Variants in ACTR3C observed in about 807,000 individuals in gnomAD.
The protein encoded by ACTR3C is actin-related protein 3C.
A neutral mutation model predicts 26.3 loss-of-function variants in ACTR3C; 18 were observed. The observed-to-expected ratio is 0.68, with a 90% CI of 0.47 to 1.01. ACTR3C has a LOEUF of 1.01. ACTR3C is among the 50% of genes least tolerant of loss of function. The pLI is 0.00. For missense variants in ACTR3C, 184 were observed against 250.7 expected, an observed-to-expected ratio of 0.73 and a Z score of 1.80; for synonymous variants, 55 against 94.5, an observed-to-expected ratio of 0.58 and a Z score of 2.42.
chr7:150,270,775 T>G (rs1441665811), intron 6 of ACTR3C, among the ~76,000 whole-genome samples: 2 of 151,468 alleles, frequency 1.3e-5, no homozygotes, highest in Non-Finnish European at 2.9e-5. Flanking sequence ...CTGGCCCTGG[T>G]TTCTCTCTTT....
the ACTR3C span, among the ~76,000 whole-genome samples, chr7:150,115,641 G>A: frequency 2.0e-5 from 3 of 152,224 alleles, no homozygotes; most frequent in African/African-American, 7.2e-5. Context: ...TCAGTGGGAG[G>A]CAAAGTAGTC....
the ACTR3C span, among the ~76,000 whole-genome samples, chr7:149,965,922 G>C: frequency 6.6e-6 from 1 of 152,218 alleles, no homozygotes; most frequent in Non-Finnish European, 1.5e-5. Context: ...GTGTGTGCCT[G>C]AGTTCCCTCA....
the ACTR3C span, chr7:150,002,521 G>A: frequency 2.6e-5 from 4 of 152,138 alleles, no homozygotes; most frequent in African/African-American, 7.2e-5. Flanking sequence ...GTGTTGATGG[G>A]AACGTCCCCT....
At chr7:149,968,719 A>G in the ACTR3C span, among the ~76,000 whole-genome samples, 3 of 152,044 alleles carry the variant, frequency 2.0e-5, no homozygotes, top group African/African-American at 4.8e-5. Flanking sequence ...GTACGGTCCA[A>G]TAGCCATAGT....
At chr7:150,106,407 A>G in the ACTR3C span, among the ~76,000 whole-genome samples, 1 of 151,478 alleles carries the variant, frequency 6.6e-6, no homozygotes, top group African/African-American at 2.4e-5. Context: ...AGTTGCTGTT[A>G]CATGGTATGG....
At chr7:150,178,716 C>G in the ACTR3C span, among the ~76,000 whole-genome samples, 633 of 150,846 alleles carry the variant, frequency 4.2e-3, 82 homozygotes, top group African/African-American at 0.015. Flanking sequence ...CTGTGTCACA[C>G]CAGCCAATGT....
At chr7:150,221,722 C>T in the ACTR3C span, among the ~76,000 whole-genome samples, 2 of 152,082 alleles carry the variant, frequency 1.3e-5, no homozygotes, top group Non-Finnish European at 2.9e-5. Flanking sequence ...TGGCCGGGCA[C>T]GGTGGCTCAC....
At chr7:149,920,404 T>C in the ACTR3C span, among the ~76,000 whole-genome samples, 74 of 150,586 alleles carry the variant, frequency 4.9e-4, no homozygotes, top group South Asian at 1.5e-3. Context: ...ACTCTTAGAT[T>C]CACACTATCC....
chr7:150,254,745 G>A (rs528022847), intron 6 of ACTR3C, among the ~76,000 whole-genome samples: 1 of 152,138 alleles, frequency 6.6e-6, no homozygotes, highest in Admixed American at 6.5e-5. Context: ...TCTGCCATCT[G>A]CTCTCCTACA....
chr7:150,052,493 G>A, the ACTR3C span, among the ~76,000 whole-genome samples: 2 of 133,876 alleles, frequency 1.5e-5, no homozygotes, highest in African/African-American at 2.7e-5. Flanking sequence ...ATCATTTGTT[G>A]TAACCCAATA....
At chr7:150,170,353 C>T in the ACTR3C span, among the ~76,000 whole-genome samples, 65 of 150,998 alleles carry the variant, frequency 4.3e-4, 2 homozygotes, top group African/African-American at 1.5e-3. Context: ...CATGTTCTCT[C>T]TGCTAGAAGC....
At chr7:150,285,079 AACAACATCACAG>A (rs1835662209) in intron 5 of ACTR3C, among the ~76,000 whole-genome samples, 1 of 152,234 alleles carries the variant, frequency 6.6e-6, no homozygotes, top group Non-Finnish European at 1.5e-5. Flanking sequence ...AAAAAATACC[AACAACATCACAG>A]ACAGACCACC....
chr7:150,178,581 GC>G, the ACTR3C span, among the ~76,000 whole-genome samples: 170 of 150,458 alleles, frequency 1.1e-3, 10 homozygotes, highest in African/African-American at 4.2e-3. Context: ...ACTGCACTCT[GC>G]CAGGAACACA....
the ACTR3C span, among the ~76,000 whole-genome samples, chr7:150,018,706 A>G: frequency 6.7e-6 from 1 of 150,236 alleles, no homozygotes; most frequent in South Asian, 2.1e-4. Flanking sequence ...TAATTTTCAT[A>G]TTTCCTTCAC....
chr7:150,154,948 G>A, the ACTR3C span, among the ~76,000 whole-genome samples: 19 of 152,162 alleles, frequency 1.2e-4, no homozygotes, highest in Non-Finnish European at 2.6e-4. Context: ...TAGGTATCAT[G>A]TTTTAAGGAT....
the ACTR3C span, chr7:149,892,368 A>T: frequency 6.3e-7 from 1 of 1,585,528 alleles, no homozygotes; most frequent in Non-Finnish European, 8.6e-7. Flanking sequence ...GGCTTGGTCA[A>T]CTACCTTTGC....
the ACTR3C span, among the ~76,000 whole-genome samples, chr7:150,182,102 C>T: frequency 6.7e-6 from 1 of 149,578 alleles, no homozygotes; most frequent in Non-Finnish European, 1.5e-5. Context: ...ACTAAGTGTC[C>T]CTCCTGCCCT....
At chr7:149,927,193 A>G in the ACTR3C span, among the ~76,000 whole-genome samples, 2 of 152,026 alleles carry the variant, frequency 1.3e-5, no homozygotes, top group Non-Finnish European at 2.9e-5. Flanking sequence ...TTACATCTCA[A>G]GGTAGGAACA....
At chr7:150,054,072 C>T in the ACTR3C span, among the ~76,000 whole-genome samples, 2 of 152,194 alleles carry the variant, frequency 1.3e-5, no homozygotes, top group Non-Finnish European at 2.9e-5. Context: ...AAATAGTCTT[C>T]CTTTATGTGA....
Sources: gnomAD v4.1 joint callset for allele counts (sites outside exome capture counted in the v4.1 genomes callset) on GRCh38, gnomAD v4.1.1 for gene constraint, MANE v1.5 for transcripts, NCBI Gene and HGNC (gene_info 2026-07-23, HGNC 2026-07-21) for gene names.